Variants in CHMP3 observed in about 807,000 individuals in gnomAD.
CHMP3 encodes the protein 25.1 protein.
A neutral mutation model predicts 27.4 loss-of-function variants in CHMP3; 8 were observed. That is an observed-to-expected ratio of 0.29 (90% CI 0.17 to 0.53). CHMP3 has a LOEUF of 0.53. CHMP3 is among the 20% of genes least tolerant of loss of function. CHMP3 has a pLI of 0.96. For synonymous variants in CHMP3, 86 were observed against 85.5 expected (o/e 1.01, Z -0.03); for missense variants, 208 against 271.5 (o/e 0.77, Z 1.64).
chr2:86,556,968 A>G (rs1677149094), intron 1 of CHMP3, among the ~76,000 whole-genome samples: 1 of 152,230 alleles, frequency 6.6e-6, no homozygotes, highest in African/African-American at 2.4e-5. Context: ...GAGAAAGTTC[A>G]ACATTATGCC....
chr2:86,524,656 G>A (rs1366528999), intron 3 of CHMP3, among the ~76,000 whole-genome samples: 1 of 152,102 alleles, frequency 6.6e-6, no homozygotes, highest in Non-Finnish European at 1.5e-5. Flanking sequence ...TGGTATCTGT[G>A]GGGATCCTGG....
At chr2:86,526,674 C>A (rs544900269) in intron 3 of CHMP3, among the ~76,000 whole-genome samples, 63 of 150,866 alleles carry the variant, frequency 4.2e-4, no homozygotes, top group African/African-American at 1.1e-3. Context: ...CTCTCTCTCT[C>A]TCTCTCTCTA....
At chr2:86,513,882 T>C (rs898337592) in intron 3 of CHMP3, among the ~76,000 whole-genome samples, 1 of 152,194 alleles carries the variant, frequency 6.6e-6, no homozygotes, top group Non-Finnish European at 1.5e-5. Flanking sequence ...AGTGCACATA[T>C]GACTTAGACT....
In CHMP3 at chr2:86,503,707, A is replaced by C. The variant is rs1369911595; in HGVS notation, c.*2097T>G. The C allele has an allele frequency of 6.6e-6, 1 of 152,256 alleles. No homozygotes were observed. The allele number at this position is 152,256 out of a possible 1,614,324, so 9.4% of individuals were successfully genotyped here. A position where few individuals can be genotyped will look rare whatever the true frequency, so the allele number is the denominator to read the frequency against. ...AAAGAAGCCAGTCTGAAAAGGCTAC[A>C]TACTATATGATTCCAATATGACATT... On this transcript the variant is annotated 3_prime_UTR_variant, in exon 6 of 6. Coordinates refer to ENST00000263856, the MANE Select transcript of CHMP3 (RefSeq NM_016079.4).
At chr2:86,534,652 T>C (rs544935010) in intron 2 of CHMP3, among the ~76,000 whole-genome samples, 4 of 152,340 alleles carry the variant, frequency 2.6e-5, no homozygotes, top group South Asian at 4.1e-4. Flanking sequence ...TGTTACTGTA[T>C]ACAAAAATAT....
chr2:86,522,429 C>G (rs747983689), intron 3 of CHMP3, among the ~76,000 whole-genome samples: 5 of 152,156 alleles, frequency 3.3e-5, no homozygotes, highest in South Asian at 2.1e-4. Context: ...ACACAACAAC[C>G]CTGTCTAGGA....
intron 3 of CHMP3, among the ~76,000 whole-genome samples, chr2:86,520,076 G>C (rs796943813): frequency 2.6e-4 from 40 of 152,324 alleles, no homozygotes; most frequent in African/African-American, 7.9e-4. Context: ...AGTTCATATA[G>C]CACTTGAATA....
chr2:86,509,388 C>CA lies in CHMP3; in HGVS notation c.408+969dup, dbSNP rs1486363732. 3.9e-5 allele frequency among the ~76,000 whole-genome samples: 6 copies of CA among 152,220 alleles called. No individual in the cohort carries two copies. The East Asian group carries it at 1.2e-3, about 29-fold the overall frequency. On this transcript the variant is annotated intron_variant, in intron 4 of 5. Coordinates refer to ENST00000263856, the MANE Select transcript of CHMP3 (RefSeq NM_016079.4). ...TGCTACTGCCCAAGGAGTTCTCATT[C>CA]AAACAACCTGGGCCCTGGGCTTTCT...
At chr2:86,525,390 A>T (rs1456020974) in intron 3 of CHMP3, among the ~76,000 whole-genome samples, 1 of 152,152 alleles carries the variant, frequency 6.6e-6, no homozygotes, top group Non-Finnish European at 1.5e-5. Context: ...AAAATACTTG[A>T]TAACTATGCA....
chr2:86,562,544 G>A (rs1677414667), intron 1 of CHMP3, among the ~76,000 whole-genome samples: 1 of 152,162 alleles, frequency 6.6e-6, no homozygotes. Flanking sequence ...ACTCTGAGGT[G>A]ACACTACTAT....
chr2:86,550,996 G>T (rs754354279), intron 1 of CHMP3, among the ~76,000 whole-genome samples: 1 of 152,162 alleles, frequency 6.6e-6, no homozygotes, highest in Non-Finnish European at 1.5e-5. Context: ...CTCAGATACC[G>T]AGAAATGACT....
At chr2:86,540,925 G>GT (rs1321218301) in intron 2 of CHMP3, 1 of 151,042 alleles carries the variant, frequency 6.6e-6, no homozygotes, top group Non-Finnish European at 1.5e-5. Flanking sequence ...CTTCATAATA[G>GT]TATCTTATTG....
In CHMP3 at chr2:86,563,293, G is replaced by C. The variant is rs938477386; in HGVS notation, c.45+11C>G. 2.5e-6 allele frequency: 4 copies of C among 1,613,742 alleles called. No homozygotes were observed. Among genetic ancestry groups the C allele is most frequent in the Non-Finnish European group, 3.4e-6 (4 of 1,179,720 alleles). On this transcript the variant is annotated intron_variant, in intron 1 of 5. Coordinates refer to ENST00000263856, the MANE Select transcript of CHMP3 (RefSeq NM_016079.4). Reference sequence around the variant, plus strand: ...ATCCACCCGCTTATCTGCCGCCGCCGTAGCCCTTACCAGTTCTTTGGGCGG... The same window carrying C: ...ATCCACCCGCTTATCTGCCGCCGCCCTAGCCCTTACCAGTTCTTTGGGCGG...
At chr2:86,511,365 G>A (rs1352523580) in intron 3 of CHMP3, 3 of 152,064 alleles carry the variant, frequency 2.0e-5, no homozygotes, top group African/African-American at 7.2e-5. Context: ...AAGGAGTAAG[G>A]GAGTTTGCTA....
rs752418529 is a variant in CHMP3 at position 86,529,254 on chromosome 2, T to G, written c.250A>C (p.Met84Leu). ...VSKLYASKAH[M>L]NSVLMGMKNQ... The stretch of plus-strand genomic sequence containing the variant: ...TTCATCCCCATGAGCACTGAGTTCA[T>G]GTGTGCTTTGGATGCATACAGCTTG... Residue 84 changes from methionine to leucine, a missense_variant, in exon 3 of 6, where the codon ATG becomes CTG. By Grantham distance (15) the Met-to-Leu change is conservative. Transcript: ENST00000263856. 1.2e-6 allele frequency: 2 copies of G among 1,612,332 alleles called. No homozygotes were observed. Among genetic ancestry groups the G allele is most frequent in the South Asian group, 2.2e-5 (2 of 90,826 alleles).
At chr2:86,523,582 G>T (rs1008742791) in intron 3 of CHMP3, among the ~76,000 whole-genome samples, 5 of 152,082 alleles carry the variant, frequency 3.3e-5, no homozygotes, top group African/African-American at 1.2e-4. Flanking sequence ...TTAACATTTT[G>T]GTTTTTGTAG....
intron 2 of CHMP3, among the ~76,000 whole-genome samples, chr2:86,537,466 T>C (rs1418786639): frequency 6.6e-6 from 1 of 152,214 alleles, no homozygotes; most frequent in African/African-American, 2.4e-5. Flanking sequence ...ATCTAGTCTT[T>C]CTCAGCAAGT....
chr2:86,552,208 T>C (rs1676931400), intron 1 of CHMP3, among the ~76,000 whole-genome samples: 1 of 152,104 alleles, frequency 6.6e-6, no homozygotes, highest in Non-Finnish European at 1.5e-5. Context: ...AATCCATGAG[T>C]CCAAAACGGT....
rs754206739 is a variant in CHMP3 at position 86,563,363 on chromosome 2, G to T, written c.-15C>A. ...AACAGCCCCATGACGAACTGAACCCGTCTTGCCCCTTCCGGCTTTCAGTTC... is the reference window on the plus strand; with the variant it reads ...AACAGCCCCATGACGAACTGAACCCTTCTTGCCCCTTCCGGCTTTCAGTTC... On this transcript the variant is annotated 5_prime_UTR_variant, in exon 1 of 6. Coordinates refer to ENST00000263856, the MANE Select transcript of CHMP3 (RefSeq NM_016079.4). The T allele has an allele frequency of 6.2e-7, 1 of 1,613,454 alleles. No homozygotes were observed. The highest frequency in any genetic ancestry group is 1.3e-5 in the African/African-American group (1 of 74,846).
Sources: allele counts gnomAD v4.1 joint callset (sites outside exome capture counted in the v4.1 genomes callset), GRCh38; gene constraint gnomAD v4.1.1; transcripts MANE v1.5; gene names NCBI Gene and HGNC (gene_info 2026-07-23, HGNC 2026-07-21).